The following MAGEA4 variants were observed in gnomAD, a reference collection of about 807,000 sequenced individuals.
The protein encoded by MAGEA4 is MAGE family member A4.
In MAGEA4, 1 loss-of-function variant was observed where a neutral mutation model predicts 13.7. The ratio of observed to expected loss-of-function variants is 0.07; its 90% confidence interval spans 0.03 to 0.35. The LOEUF (loss-of-function observed/expected upper bound fraction) is 0.35, where lower values mean the gene tolerates loss of function less well. MAGEA4 is among the 10% of genes least tolerant of loss of function. The pLI is 0.99. For missense variants in MAGEA4, 312 were observed against 245.1 expected (o/e 1.27, Z -1.82); for synonymous variants, 132 against 101.1 (o/e 1.31, Z -1.83).
At chrX:151,919,951 T>C (rs1161384217) in intron 1 of MAGEA4, among the ~76,000 whole-genome samples, 1 of 105,981 alleles carries the variant, frequency 9.4e-6, no homozygotes, top group South Asian at 4.3e-4. Flanking sequence ...ACCTCAGGAC[T>C]GTAAGAGAGG....
At chrX:151,913,711 C>T (rs1361555861) in intron 1 of MAGEA4, 1 of 538,182 alleles carries the variant, frequency 1.9e-6, no homozygotes, top group Non-Finnish European at 2.3e-6. Flanking sequence ...CTGGGGCGCC[C>T]ACCACCCCAC....
intron 1 of MAGEA4, chrX:151,919,166 C>G (rs1461665785): frequency 2.1e-6 from 1 of 472,691 alleles, no homozygotes; most frequent in Non-Finnish European, 2.6e-6. Flanking sequence ...CGCCCTCCAC[C>G]CCACTGCGTC....
chrX:151,923,984 G>A lies in MAGEA4; in HGVS notation c.320G>A (p.Arg107Gln), dbSNP rs769670092. The A allele has an allele frequency of 1.6e-5, 19 of 1,210,479 alleles. No homozygotes were observed. Among genetic ancestry groups the A allele is most frequent in the Middle Eastern group, 2.3e-4 (1 of 4,375 alleles). ...STSPDAESLF[R>Q]EALSNKVDEL... is the part of the protein sequence containing the mutation. ...TCGCCTGACGCAGAGTCCTTGTTCC[G>A]AGAAGCACTCAGTAACAAGGTGGAT... Residue 107 changes from arginine (R) to glutamine (Q), a missense_variant, in exon 3 of 3, where the codon CGA (arginine) becomes CAA (glutamine). Coordinates refer to ENST00000276344, the MANE Select transcript of MAGEA4 (RefSeq NM_001011548.1).
intron 1 of MAGEA4, among the ~76,000 whole-genome samples, chrX:151,921,321 G>C (rs1210856729): frequency 1.8e-5 from 2 of 111,654 alleles, no homozygotes; most frequent in African/African-American, 6.5e-5. Context: ...TGAGGGGAGC[G>C]GGCCCAAGCT....
rs775637049 is a variant in MAGEA4, at chrX:151,924,210, C to T, written c.546C>T (p.Cys182=). 2.5e-6 allele frequency: 3 copies of T among 1,211,120 alleles called. No homozygotes were observed. The highest frequency in any genetic ancestry group is 3.4e-6 in the Non-Finnish European group (3 of 895,055). Residue 182 remains cysteine (C), a synonymous_variant, in exon 3 of 3, where the codon TGC becomes TGT. Coordinates refer to ENST00000276344, the MANE Select transcript of MAGEA4 (RefSeq NM_001011548.1). ...GCAACACCTACACCCTTGTCACCTGCCTGGGCCTTTCCTATGATGGCCTGC... is the reference window on the plus strand; with the variant it reads ...GCAACACCTACACCCTTGTCACCTGTCTGGGCCTTTCCTATGATGGCCTGC... ...PASNTYTLVT[C]LGLSYDGLLG...
Position 151,913,688 on chromosome X carries a change from C to T in MAGEA4, c.-138+719C>T, listed in dbSNP as rs760092017. 30 of 654,082 alleles carry T rather than the reference C, an allele frequency of 4.6e-5. No individual in the cohort carries two copies. In the East Asian group the frequency reaches 5.0e-4, roughly 11 times the overall value. 53.9% of individuals were successfully genotyped at this position (654,082 alleles called of 1,213,427 possible). A position where few individuals can be genotyped will look rare whatever the true frequency, so the allele number is the denominator to read the frequency against. On this transcript the variant is annotated intron_variant, in intron 1 of 2. Transcript: ENST00000276344. ...CTACCAGCCGTGGGCCACCCGTGGG[C>T]GGACTTCTGAGTCTGGGGCGCCCAC...
rs1383391171 is a variant in MAGEA4 at position 151,918,877 on chromosome X, G to C, written c.-137-4576G>C. Reference sequence around the variant, plus strand: ...CACCCTTCCCACCCCCATCCACGCTGAATCTGATTTCTGGTTTCTCTTTCA... The same window carrying C: ...CACCCTTCCCACCCCCATCCACGCTCAATCTGATTTCTGGTTTCTCTTTCA... On this transcript the variant is annotated intron_variant, in intron 1 of 2. Coordinates refer to ENST00000276344, the MANE Select transcript of MAGEA4 (RefSeq NM_001011548.1). The C allele has an allele frequency of 3.3e-5, 21 of 637,377 alleles. No individual in the cohort carries two copies. The East Asian group carries it at 3.4e-3, about 103-fold the overall frequency. The allele number at this position is 637,377 out of a possible 1,213,427, so 52.5% of individuals were successfully genotyped here.
At chrX:151,921,519 G>C (rs1038816372) in intron 1 of MAGEA4, among the ~76,000 whole-genome samples, 6 of 112,603 alleles carry the variant, frequency 5.3e-5, no homozygotes, top group African/African-American at 1.9e-4. Flanking sequence ...TCAAGAGCTT[G>C]GTGTGCCCAA....
intron 1 of MAGEA4, among the ~76,000 whole-genome samples, 185 bp from the exon 2 acceptor site, chrX:151,923,268 G>A (rs1332393576): frequency 8.9e-6 from 1 of 112,474 alleles, no homozygotes; most frequent in African/African-American, 3.2e-5. Context: ...TCAGGTTACA[G>A]AGCAGAGGAT....
chrX:151,921,059 G>A (rs1157859217), intron 1 of MAGEA4, among the ~76,000 whole-genome samples: 2 of 112,302 alleles, frequency 1.8e-5, no homozygotes, highest in Middle Eastern at 4.6e-3. Context: ...CATGGCCCAG[G>A]CCCTGCCAGG....
chrX:151,922,996 C>G (rs1933518488), intron 1 of MAGEA4, among the ~76,000 whole-genome samples: 1 of 112,535 alleles, frequency 8.9e-6, no homozygotes, highest in Admixed American at 9.3e-5. Flanking sequence ...CCCTCTCAGG[C>G]ATGTGAGCTC....
chrX:151,920,573 A>G (rs1156439790), intron 1 of MAGEA4, among the ~76,000 whole-genome samples: 1 of 26,477 alleles, frequency 3.8e-5, no homozygotes, highest in Non-Finnish European at 6.6e-5. Context: ...CCCCTTTCCC[A>G]TCTGCACTCC....
At chrX:151,912,508 G>A (rs1453543979), upstream of MAGEA4, 1 of 366,993 alleles carries the variant, frequency 2.7e-6, no homozygotes, top group Non-Finnish European at 5.3e-6. Context: ...GAGATCCACG[G>A]AGGGAAGCAG....
intron 1 of MAGEA4, 80 bp from the exon 2 acceptor site, chrX:151,923,373 A>G: frequency 1.2e-6 from 1 of 821,978 alleles, no homozygotes; most frequent in Non-Finnish European, 1.7e-6. Flanking sequence ...GTCTGGCCTC[A>G]CCTCCCTACC....
intron 1 of MAGEA4, chrX:151,919,097 C>T (rs1487404764): frequency 1.4e-6 from 1 of 734,386 alleles, no homozygotes; most frequent in Non-Finnish European, 1.6e-6. Flanking sequence ...CCCAAATAAT[C>T]CCGCACCACT....
chrX:151,920,889 C>T (rs913709265), intron 1 of MAGEA4, among the ~76,000 whole-genome samples: 8 of 110,198 alleles, frequency 7.3e-5, no homozygotes, highest in Admixed American at 2.9e-4. Flanking sequence ...AAACCCCTAT[C>T]CCTGATAGAG....
intron 1 of MAGEA4, among the ~76,000 whole-genome samples, chrX:151,921,354 T>G (rs1933429634): frequency 8.9e-6 from 1 of 112,015 alleles, no homozygotes; most frequent in African/African-American, 3.2e-5. Context: ...AAGGTGAGAC[T>G]CTGAGGAAGG....
chrX:151,919,865 A>G (rs1569448182), intron 1 of MAGEA4: 1 of 430,596 alleles, frequency 2.3e-6, no homozygotes, highest in Non-Finnish European at 2.9e-6. Flanking sequence ...CTGCCTCTGA[A>G]GTCGCACGGG....
Position 151,919,699 on chromosome X carries a change from G to A in MAGEA4, c.-137-3754G>A. 4 of 753,685 alleles carry A rather than the reference G, an allele frequency of 5.3e-6. No individual in the cohort carries two copies. In the South Asian group the frequency reaches 2.7e-4, roughly 51 times the overall value. 62.1% of individuals were successfully genotyped at this position (753,685 alleles called of 1,213,427 possible). A position where few individuals can be genotyped will look rare whatever the true frequency, so the allele number is the denominator to read the frequency against. ...AGCTTGGGACTGGTGGAGGGAAGCG[G>A]GCCAGGCCCTGTGAGGAGTCAAGGT... is the stretch of plus-strand genomic sequence containing the variant. On this transcript the variant is annotated intron_variant, in intron 1 of 2. Coordinates refer to ENST00000276344, the MANE Select transcript of MAGEA4 (RefSeq NM_001011548.1).
Sources: gnomAD v4.1 joint callset for allele counts (sites outside exome capture counted in the v4.1 genomes callset) on GRCh38, gnomAD v4.1.1 for gene constraint, MANE v1.5 for transcripts, NCBI Gene and HGNC (gene_info 2026-07-23, HGNC 2026-07-21) for gene names.